PDZRN3: variants seen among roughly 807,000 people sequenced by gnomAD.
PDZRN3 encodes the protein E3 ubiquitin-protein ligase PDZRN3.
In PDZRN3, 38 loss-of-function variants were observed where a neutral mutation model predicts 85.7. The ratio of observed to expected loss-of-function variants is 0.44; its 90% CI spans 0.34 to 0.58. The LOEUF (loss-of-function observed/expected upper bound fraction) is 0.58, where lower values mean the gene tolerates loss of function less well. Ranked by LOEUF, PDZRN3 falls within the 20% of genes least tolerant of loss-of-function variation. The pLI, the probability that PDZRN3 is intolerant of heterozygous loss-of-function variation, is 0.01. For synonymous variants in PDZRN3, 759 were observed against 638.0 expected (o/e 1.19, Z -2.86); for missense variants, 1,629 against 1,506.4 (o/e 1.08, Z -1.35).
rs888743387 is a variant in PDZRN3, at chr3:73,624,021, T to A, written c.723+82A>T. On this transcript the variant is annotated intron_variant, in intron 1 of 9. Transcript: ENST00000263666. ...GGATGTTCCCGGGAAGCTCGGGGCA[T>A]CCCTGTACCCAAAGGGATGGGGCGG... 11 of 1,290,668 alleles carry A rather than the reference T, an allele frequency of 8.5e-6. 1 individual carries two copies. The East Asian group carries it at 2.5e-4, about 29-fold the overall frequency. 80.0% of individuals were successfully genotyped at this position (1,290,668 alleles called of 1,614,324 possible).
At chr3:73,447,518 T>C (rs775757613) in intron 3 of PDZRN3, among the ~76,000 whole-genome samples, 3 of 152,128 alleles carry the variant, frequency 2.0e-5, no homozygotes, top group Non-Finnish European at 4.4e-5. Flanking sequence ...TTCTCTTTGG[T>C]TTGCCCTCTG....
chr3:73,460,636 G>C (rs1243268482), intron 3 of PDZRN3, among the ~76,000 whole-genome samples: 2 of 152,118 alleles, frequency 1.3e-5, no homozygotes, highest in Non-Finnish European at 1.5e-5. Flanking sequence ...CAAAGTTATA[G>C]CATTGAATAT....
At chr3:73,616,353 A>AT in intron 1 of PDZRN3, among the ~76,000 whole-genome samples, 1 of 152,344 alleles carries the variant, frequency 6.6e-6, no homozygotes, top group East Asian at 1.9e-4. Context: ...CTAAAAAACC[A>AT]TAAGTGCACT....
At chr3:73,569,360 A>G in intron 3 of PDZRN3, 1 of 1,203,382 alleles carries the variant, frequency 8.3e-7, no homozygotes. Flanking sequence ...TTTAGTGAGG[A>G]GGCTGGGAGG....
rs562809735 is a variant in PDZRN3 at position 73,422,551 on chromosome 3, T to TA, written c.919-18157dup. Among the ~76,000 whole-genome samples the TA allele has an allele frequency of 1.2e-3, 189 of 152,264 alleles. 2 individuals are homozygous for TA. Among genetic ancestry groups the TA allele is most frequent in the African/African-American group, 4.2e-3 (173 of 41,556 alleles). ...GGGTTGGCACTTGTTAATTCAAGGA[T>TA]AAAAAATACAACACTGGAACTGTGT... On this transcript the variant is annotated intron_variant, in intron 3 of 9. Transcript: ENST00000263666.
chr3:73,463,995 A>G (rs1703160484), intron 3 of PDZRN3, among the ~76,000 whole-genome samples: 1 of 151,958 alleles, frequency 6.6e-6, no homozygotes, highest in Non-Finnish European at 1.5e-5. Context: ...TTATTTATTT[A>G]TTTATTTTGA....
At chr3:73,463,111 A>G (rs1046494868) in intron 3 of PDZRN3, among the ~76,000 whole-genome samples, 2 of 152,288 alleles carry the variant, frequency 1.3e-5, no homozygotes, top group South Asian at 2.1e-4. Flanking sequence ...AGGGAAGACT[A>G]GTGTCAAAAA....
At position 73,388,083 on chromosome 3, in the gene PDZRN3, A is replaced by ACG; in HGVS notation, c.1417-15_1417-14insCG. 1 of 908,178 alleles carries ACG rather than the reference A, an allele frequency of 1.1e-6. No individual in the cohort carries two copies. Among genetic ancestry groups the ACG allele is most frequent in the Non-Finnish European group, 1.7e-6 (1 of 588,938 alleles). The allele number at this position is 908,178 out of a possible 1,614,324, so 56.3% of individuals were successfully genotyped here. A position where few individuals can be genotyped will look rare whatever the true frequency, so the allele number is the denominator to read the frequency against. ...TATCCCATTAATCTTTTAAAAAAAA[A>ACG]GGGGGGGTGGGGAGAGTGGGGAGAC... On this transcript the variant is annotated splice_polypyrimidine_tract_variant and intron_variant, in intron 7 of 9. Coordinates refer to ENST00000263666, the MANE Select transcript of PDZRN3 (RefSeq NM_015009.3).
intron 9 of PDZRN3, 106 bp downstream of exon 9, chr3:73,385,563 T>TG: frequency 2.9e-6 from 2 of 696,548 alleles, no homozygotes; most frequent in Non-Finnish European, 5.0e-6. Context: ...GCCTTCCAGG[T>TG]GGATGGACTT....
At chr3:73,585,770 A>G (rs1180890067) in intron 3 of PDZRN3, among the ~76,000 whole-genome samples, 1 of 152,204 alleles carries the variant, frequency 6.6e-6, no homozygotes, top group African/African-American at 2.4e-5. Flanking sequence ...GTTGCTACTG[A>G]TTTTATGTTG....
chr3:73,538,418 A>G (rs1263074399), intron 3 of PDZRN3, among the ~76,000 whole-genome samples: 1 of 152,228 alleles, frequency 6.6e-6, no homozygotes, highest in East Asian at 1.9e-4. Flanking sequence ...AAGTCAGTGT[A>G]GTTTTCTGAA....
intron 3 of PDZRN3, among the ~76,000 whole-genome samples, chr3:73,573,555 A>G (rs1702073896): frequency 2.6e-5 from 4 of 152,330 alleles, no homozygotes; most frequent in African/African-American, 9.6e-5. Context: ...ACAATGGCAG[A>G]GTTGAGTAGC....
intron 3 of PDZRN3, among the ~76,000 whole-genome samples, chr3:73,565,818 C>A (rs766680111): frequency 3.3e-5 from 3 of 91,960 alleles, no homozygotes; most frequent in Non-Finnish European, 7.9e-5. Context: ...CACACACACA[C>A]ACACACACAC....
At chr3:73,458,100 T>C (rs202221218) in intron 3 of PDZRN3, among the ~76,000 whole-genome samples, 17 of 152,312 alleles carry the variant, frequency 1.1e-4, no homozygotes, top group South Asian at 8.3e-4. Context: ...TGGTCTGTCC[T>C]TGCTTTTTAT....
chr3:73,455,287 T>C (rs1702956474), intron 3 of PDZRN3, among the ~76,000 whole-genome samples: 3 of 152,214 alleles, frequency 2.0e-5, no homozygotes, highest in Admixed American at 6.5e-5. Flanking sequence ...TTTCAGTTTG[T>C]AGACAAGAAA....
intron 3 of PDZRN3, among the ~76,000 whole-genome samples, chr3:73,507,910 T>A (rs1266446317): frequency 6.6e-6 from 1 of 152,060 alleles, no homozygotes; most frequent in East Asian, 1.9e-4. Context: ...CTGGCCAACA[T>A]GGTAAAACCC....
At chr3:73,389,974 A>AC in intron 6 of PDZRN3, 96 bp from the exon 7 acceptor site, 6 of 883,692 alleles carry the variant, frequency 6.8e-6, no homozygotes, top group South Asian at 6.7e-5. Flanking sequence ...AGTCATGCTC[A>AC]CCCCTGTGTT....
intron 3 of PDZRN3, among the ~76,000 whole-genome samples, chr3:73,599,945 C>A (rs188130483): frequency 2.4e-4 from 37 of 152,264 alleles, no homozygotes; most frequent in Middle Eastern, 6.8e-3. Context: ...TTCTTTTATG[C>A]AACAGCCTAT....
chr3:73,538,302 C>T (rs1575720206), intron 3 of PDZRN3, among the ~76,000 whole-genome samples: 1 of 152,206 alleles, frequency 6.6e-6, no homozygotes, highest in East Asian at 1.9e-4. Context: ...CACGCATGCA[C>T]TACATACACT....
Sources: gnomAD v4.1 joint callset for allele counts (sites outside exome capture counted in the v4.1 genomes callset) on GRCh38, gnomAD v4.1.1 for gene constraint, MANE v1.5 for transcripts, NCBI Gene and HGNC (gene_info 2026-07-23, HGNC 2026-07-21) for gene names.